The following ACTR3C variants were observed in gnomAD, a reference collection of about 807,000 sequenced individuals.
ACTR3C encodes the protein actin related protein 3C, also known as actin-related protein 3C.
ACTR3C carries 18 observed loss-of-function variants against 26.3 expected under a neutral mutation model. That is an observed-to-expected ratio of 0.68 (90% CI 0.47 to 1.01). The LOEUF is 1.01. Among genes scored for constraint, ACTR3C ranks in the 50% least tolerant of loss-of-function variants. The pLI, the probability that ACTR3C is intolerant of heterozygous loss-of-function variation, is 0.00. For missense variants in ACTR3C, 184 were observed against 250.7 expected, an observed-to-expected ratio of 0.73 and a Z score of 1.80; for synonymous variants, 55 against 94.5, an observed-to-expected ratio of 0.58 and a Z score of 2.42.
At chr7:150,050,477 G>C in the ACTR3C span, among the ~76,000 whole-genome samples, 1 of 152,142 alleles carries the variant, frequency 6.6e-6, no homozygotes, top group African/African-American at 2.4e-5. Flanking sequence ...AAGAAAATAT[G>C]ATAAGCGATT....
chr7:150,315,019 T>TATTATTAAATAATAA (rs1796716749), intron 1 of ACTR3C, among the ~76,000 whole-genome samples: 1 of 138,784 alleles, frequency 7.2e-6, no homozygotes, highest in Non-Finnish European at 1.6e-5. Flanking sequence ...AATAATAAAA[T>TATTATTAAATAATAA]AATATTTATA....
At chr7:149,921,152 T>C in the ACTR3C span, among the ~76,000 whole-genome samples, 9 of 152,350 alleles carry the variant, frequency 5.9e-5, no homozygotes, top group East Asian at 5.8e-4. Flanking sequence ...TAATATTATA[T>C]GATCTTTCAT....
chr7:150,136,500 T>C, the ACTR3C span, among the ~76,000 whole-genome samples: 3 of 151,886 alleles, frequency 2.0e-5, no homozygotes, highest in East Asian at 5.8e-4. Context: ...TGAAACCCCG[T>C]CTCTACTAAA....
At chr7:150,017,519 G>C in the ACTR3C span, among the ~76,000 whole-genome samples, 5 of 150,292 alleles carry the variant, frequency 3.3e-5, no homozygotes, top group South Asian at 8.3e-4. Flanking sequence ...AGGTAGCGCA[G>C]GTGGGCCAGG....
At chr7:149,916,096 T>C in the ACTR3C span, among the ~76,000 whole-genome samples, 1 of 109,466 alleles carries the variant, frequency 9.1e-6, no homozygotes, top group Non-Finnish European at 2.0e-5. Flanking sequence ...TTCAGGCAAG[T>C]AAATTAATCC....
the ACTR3C span, among the ~76,000 whole-genome samples, chr7:149,927,005 A>ATTAGATGCTGGCACC: frequency 5.5e-4 from 84 of 152,148 alleles, no homozygotes; most frequent in African/African-American, 1.5e-3. Context: ...GCAGGGCCTC[A>ATTAGATGCTGGCACC]TTAGATGCTG....
At chr7:150,149,197 GT>G in the ACTR3C span, among the ~76,000 whole-genome samples, 1 of 144,810 alleles carries the variant, frequency 6.9e-6, no homozygotes, top group African/African-American at 2.5e-5. Context: ...CTACTTGTTT[GT>G]TCATCTTTTC....
the ACTR3C span, among the ~76,000 whole-genome samples, chr7:150,227,812 C>T: frequency 2.0e-5 from 3 of 150,268 alleles, no homozygotes; most frequent in Admixed American, 1.3e-4. Flanking sequence ...GCAGACTCTG[C>T]ATAGATTAAT....
At chr7:150,002,252 C>G in the ACTR3C span, 1 of 152,230 alleles carries the variant, frequency 6.6e-6, no homozygotes, top group Non-Finnish European at 1.5e-5. Flanking sequence ...GAACATGCCT[C>G]CTAGCCATGC....
At chr7:150,005,520 C>T in the ACTR3C span, among the ~76,000 whole-genome samples, 10 of 151,956 alleles carry the variant, frequency 6.6e-5, 1 homozygote, top group Non-Finnish European at 1.2e-4. Flanking sequence ...ACATCACCTC[C>T]TTGCGTTACT....
rs537182000 is a variant in ACTR3C, at chr7:150,252,068, C to T, written c.565-3014G>A. 1.7e-4 allele frequency among the ~76,000 whole-genome samples: 26 copies of T among 151,534 alleles called. 1 individual carries two copies. The highest frequency in any genetic ancestry group is 1.5e-3 in the Admixed American group (23 of 15,206). ...CACCTCTTTTTAAGCGCTTTAACTT[C>T]GACATTTCAATTTGGTTTAAAATTT... On this transcript the variant is annotated intron_variant, in intron 6 of 7. Transcript: ENST00000683684.
the ACTR3C span, among the ~76,000 whole-genome samples, chr7:149,888,897 A>G: frequency 2.0e-5 from 3 of 152,084 alleles, no homozygotes; most frequent in Non-Finnish European, 4.4e-5. Flanking sequence ...AATCCCAGCT[A>G]CTTGGGAGGC....
chr7:150,121,960 C>T, the ACTR3C span, among the ~76,000 whole-genome samples: 5 of 152,024 alleles, frequency 3.3e-5, no homozygotes, highest in African/African-American at 1.2e-4. Flanking sequence ...ACAAACCTAA[C>T]AAAAACAAGC....
At chr7:149,893,131 C>A in the ACTR3C span, among the ~76,000 whole-genome samples, 1 of 152,172 alleles carries the variant, frequency 6.6e-6, no homozygotes, top group African/African-American at 2.4e-5. Context: ...ATTTTCCATT[C>A]AAATTTCTAA....
chr7:149,900,956 T>C, the ACTR3C span, among the ~76,000 whole-genome samples: 54,483 of 151,814 alleles, frequency 0.36, 9,928 homozygotes, highest in East Asian at 0.42. Flanking sequence ...TCGCTTGAAC[T>C]CAGAAGGCAG....
At chr7:150,251,983 T>C (rs1300698599) in intron 6 of ACTR3C, among the ~76,000 whole-genome samples, 39 of 152,310 alleles carry the variant, frequency 2.6e-4, no homozygotes, top group Non-Finnish European at 1.5e-5. Context: ...TAGTCCAGCG[T>C]TTGCTCTGTT....
At chr7:150,288,926 G>C (rs1835992004) in intron 4 of ACTR3C, among the ~76,000 whole-genome samples, 1 of 151,686 alleles carries the variant, frequency 6.6e-6, no homozygotes, top group African/African-American at 2.4e-5. Context: ...GCTGAGAAGG[G>C]AGGAAGGCAG....
At chr7:150,042,498 G>A in the ACTR3C span, among the ~76,000 whole-genome samples, 1,104 of 150,320 alleles carry the variant, frequency 7.3e-3, 23 homozygotes, top group African/African-American at 0.026. Flanking sequence ...CCCGCCTCGC[G>A]GGGATTGCCT....
At chr7:150,277,958 G>A (rs549859904) in intron 6 of ACTR3C, among the ~76,000 whole-genome samples, 6 of 152,236 alleles carry the variant, frequency 3.9e-5, no homozygotes, top group Non-Finnish European at 7.4e-5. Flanking sequence ...AACTCCATGC[G>A]AGGCCCCTCC....
Sources: allele counts gnomAD v4.1 joint callset (sites outside exome capture counted in the v4.1 genomes callset), GRCh38; gene constraint gnomAD v4.1.1; transcripts MANE v1.5; gene names NCBI Gene and HGNC (gene_info 2026-07-23, HGNC 2026-07-21).